The following GLG1 variants were observed in gnomAD, a reference collection of about 807,000 sequenced individuals.
The protein encoded by GLG1 is golgi glycoprotein 1.
In GLG1, 38 loss-of-function variants were observed where a neutral mutation model predicts 160.5. The ratio of observed to expected loss-of-function variants is 0.24; its 90% CI spans 0.18 to 0.31. The LOEUF (loss-of-function observed/expected upper bound fraction) is 0.31, where lower values mean the gene tolerates loss of function less well. Among genes scored for constraint, GLG1 ranks in the 10% least tolerant of loss-of-function variants. The pLI is 1.00. For synonymous variants in GLG1, 644 were observed against 543.4 expected (o/e 1.19, Z -2.57); for missense variants, 1,373 against 1,505.2 (o/e 0.91, Z 1.45).
chr16:74,456,652 T>G lies in GLG1; in HGVS notation c.3369A>C (p.Ala1123=). 1 of 1,590,016 alleles carries G rather than the reference T, an allele frequency of 6.3e-7. No individual in the cohort carries two copies. Among genetic ancestry groups the G allele is most frequent in the East Asian group, 2.2e-5 (1 of 44,802 alleles). ...AGGAGATTCTCTTGGTCATTACCTT[T>G]GCTGCGTAACTCCACATCTCAATCC... is the stretch of plus-strand genomic sequence containing the variant. ...NDRIEMWSYA[A]KVAPADGFSD... The change falls in exon 25 of 26, where the codon GCA becomes GCC. Residue 1123 remains alanine (A), a synonymous_variant. Transcript: ENST00000422840.
chr16:74,478,025 G>A (rs1428416037), intron 11 of GLG1, among the ~76,000 whole-genome samples: 2 of 89,936 alleles, frequency 2.2e-5, no homozygotes, highest in Non-Finnish European at 5.0e-5. Flanking sequence ...AAATGTGCAA[G>A]AGGCTTCGAA....
At chr16:74,493,420 C>G (rs570866383) in intron 6 of GLG1, among the ~76,000 whole-genome samples, 2 of 152,206 alleles carry the variant, frequency 1.3e-5, no homozygotes, top group African/African-American at 4.8e-5. Flanking sequence ...TCTCACAGAT[C>G]CCAATATGTT....
intron 16 of GLG1, chr16:74,469,330 C>A: frequency 2.1e-6 from 1 of 479,426 alleles, no homozygotes; most frequent in Non-Finnish European, 3.8e-6. Context: ...AACGACAGTT[C>A]AACATCTGTG....
intron 13 of GLG1, among the ~76,000 whole-genome samples, chr16:74,473,704 G>A (rs1309964251): frequency 6.6e-6 from 1 of 152,014 alleles, no homozygotes; most frequent in Non-Finnish European, 1.5e-5. Context: ...CTCCCAAAGT[G>A]CTGGGATTAC....
intron 1 of GLG1, among the ~76,000 whole-genome samples, chr16:74,541,319 G>A (rs1465145548): frequency 1.8e-5 from 2 of 113,528 alleles, no homozygotes; most frequent in Admixed American, 1.1e-4. Context: ...GCAAGGCTCT[G>A]TCTCCAAAAA....
chr16:74,585,393 A>G (rs1455303524), intron 1 of GLG1, among the ~76,000 whole-genome samples: 1 of 152,122 alleles, frequency 6.6e-6, no homozygotes, highest in Non-Finnish European at 1.5e-5. Flanking sequence ...TGGGCAACAG[A>G]GCGAGACTCT....
chr16:74,498,001 C>G (rs1480601612), intron 4 of GLG1, among the ~76,000 whole-genome samples: 1 of 152,188 alleles, frequency 6.6e-6, no homozygotes, highest in Non-Finnish European at 1.5e-5. Context: ...CCATAGCAAC[C>G]ACAAACATTC....
intron 15 of GLG1, among the ~76,000 whole-genome samples, chr16:74,470,289 TTTCCTTCC>T (rs1440620495): frequency 7.4e-6 from 1 of 135,408 alleles, no homozygotes. Context: ...CCTTCCTTCC[TTTCCTTCC>T]TTCCTTCCCT....
intron 3 of GLG1, among the ~76,000 whole-genome samples, chr16:74,504,130 G>C (rs890775821): frequency 3.3e-5 from 5 of 152,150 alleles, no homozygotes; most frequent in Non-Finnish European, 5.9e-5. Flanking sequence ...GACAGCGAGG[G>C]GATGAATCTA....
intron 1 of GLG1, among the ~76,000 whole-genome samples, chr16:74,560,711 G>A (rs543757787): frequency 1.1e-3 from 164 of 152,232 alleles, no homozygotes; most frequent in East Asian, 3.9e-4. Flanking sequence ...GCTGGGCATG[G>A]TGGCTTAGGC....
chr16:74,581,886 C>T (rs1362918660), intron 1 of GLG1, among the ~76,000 whole-genome samples: 2 of 152,236 alleles, frequency 1.3e-5, no homozygotes, highest in Middle Eastern at 3.4e-3. Context: ...CACTCCAGCC[C>T]AGGCGACGGT....
At chr16:74,598,260 G>A (rs973076188) in intron 1 of GLG1, among the ~76,000 whole-genome samples, 3 of 152,134 alleles carry the variant, frequency 2.0e-5, no homozygotes, top group East Asian at 1.9e-4. Context: ...GGTGGCTCAC[G>A]CCTGTAATCC....
At chr16:74,573,085 G>C (rs1055352442) in intron 1 of GLG1, among the ~76,000 whole-genome samples, 1 of 152,112 alleles carries the variant, frequency 6.6e-6, no homozygotes, top group Admixed American at 6.5e-5. Context: ...ATTGAGAGTA[G>C]ATAGTAGGAA....
intron 1 of GLG1, among the ~76,000 whole-genome samples, chr16:74,591,688 G>C (rs1332241908): frequency 1.3e-5 from 2 of 152,112 alleles, no homozygotes; most frequent in Admixed American, 6.6e-5. Flanking sequence ...GTATGGCTAA[G>C]TTTAGTATTT....
intron 2 of GLG1, among the ~76,000 whole-genome samples, chr16:74,518,196 C>T (rs558812726): frequency 9.9e-5 from 15 of 152,246 alleles, no homozygotes; most frequent in African/African-American, 2.2e-4. Flanking sequence ...TTGGTAAAAA[C>T]GACTTTAAAC....
intron 1 of GLG1, among the ~76,000 whole-genome samples, chr16:74,550,353 T>G (rs548786956): frequency 2.0e-5 from 3 of 152,142 alleles, no homozygotes; most frequent in South Asian, 2.1e-4. Flanking sequence ...CATGATGTAC[T>G]GGAATCCTAA....
chr16:74,590,773 G>C (rs1396429481), intron 1 of GLG1, among the ~76,000 whole-genome samples: 2 of 147,528 alleles, frequency 1.4e-5, no homozygotes, highest in Admixed American at 1.4e-4. Flanking sequence ...CTCCAGCCTG[G>C]GCAACAAGAG....
Position 74,474,536 on chromosome 16 carries a change from T to A in GLG1, c.2052+10A>T. 7.6e-7 allele frequency: 1 copy of A among 1,321,496 alleles called. No homozygotes were observed. The highest frequency in any genetic ancestry group is 1.1e-6 in the Non-Finnish European group (1 of 912,576). 81.9% of individuals were successfully genotyped at this position (1,321,496 alleles called of 1,614,324 possible). On this transcript the variant is annotated intron_variant, in intron 13 of 25. Coordinates refer to ENST00000422840, the MANE Select transcript of GLG1 (RefSeq NM_001145667.2). ...ACTCTCCTCCAATGAGTAAGCTGCATACCACTTACCTCTGATTCTAACTCA... is the reference window on the plus strand; with the variant it reads ...ACTCTCCTCCAATGAGTAAGCTGCAAACCACTTACCTCTGATTCTAACTCA...
Position 74,453,139 on chromosome 16 carries a change from G to C in GLG1, c.*28C>G, listed in dbSNP as rs1208595860. The C allele has an allele frequency of 6.2e-7, 1 of 1,610,466 alleles. No individual in the cohort carries two copies. On this transcript the variant is annotated 3_prime_UTR_variant, in exon 26 of 26. Coordinates refer to ENST00000422840, the MANE Select transcript of GLG1 (RefSeq NM_001145667.2). The stretch of plus-strand genomic sequence containing the variant: ...GGCTGTACAAACTGGGCACTGGATA[G>C]GTAGTTCCTTTGGTGGTCAAGGTGG...
Sources: allele counts gnomAD v4.1 joint callset (sites outside exome capture counted in the v4.1 genomes callset), GRCh38; gene constraint gnomAD v4.1.1; transcripts MANE v1.5; gene names NCBI Gene and HGNC (gene_info 2026-07-23, HGNC 2026-07-21).